Variants in GGNBP2 observed in about 807,000 individuals in gnomAD.
GGNBP2 encodes gametogenetin-binding protein 2.
GGNBP2 carries 10 observed loss-of-function variants against 85.9 expected under a neutral mutation model. The observed-to-expected ratio is 0.12, with a 90% CI of 0.07 to 0.20. The LOEUF (loss-of-function observed/expected upper bound fraction) is 0.20, where lower values mean the gene tolerates loss of function less well. Among genes scored for constraint, GGNBP2 ranks in the 10% least tolerant of loss-of-function variants. The pLI is 1.00. For synonymous variants in GGNBP2, 287 were observed against 285.7 expected, an observed-to-expected ratio of 1.00 and a Z score of -0.05; for missense variants, 595 against 857.8, an observed-to-expected ratio of 0.69 and a Z score of 3.83.
intron 3 of GGNBP2, among the ~76,000 whole-genome samples, chr17:36,556,866 T>A (rs1421369941): frequency 6.6e-6 from 1 of 150,496 alleles, no homozygotes; most frequent in African/African-American, 2.4e-5. Context: ...CAGAGTTGTT[T>A]ATATACCCTA....
chr17:36,559,066 G>A (rs573627623), intron 4 of GGNBP2, among the ~76,000 whole-genome samples: 12 of 151,964 alleles, frequency 7.9e-5, no homozygotes, highest in African/African-American at 2.7e-4. Flanking sequence ...TTGGGAGGTC[G>A]GTGAGGGTGG....
At chr17:36,550,653 C>A (rs1202227137) in intron 2 of GGNBP2, among the ~76,000 whole-genome samples, 1 of 152,138 alleles carries the variant, frequency 6.6e-6, no homozygotes, top group Non-Finnish European at 1.5e-5. Flanking sequence ...AGAACAGATA[C>A]TTAAGAGTGA....
At position 36,563,610 on chromosome 17, in the gene GGNBP2, G is replaced by A. The variant is rs1275501794; in HGVS notation, c.527+2739G>A. 3.1e-5 allele frequency among the ~76,000 whole-genome samples: 4 copies of A among 129,728 alleles called. No individual in the cohort carries two copies. The South Asian group carries it at 9.9e-4, about 32-fold the overall frequency. 85.1% of individuals were successfully genotyped at this position (129,728 alleles called of 152,430 possible). On this transcript the variant is annotated intron_variant, in intron 5 of 13. Transcript: ENST00000613102. ...TCTGGTTTTTTTTTTTTTTTTGAATGTTGGTTTGTATGAATCAGGATCCAA... is the reference window on the plus strand; with the variant it reads ...TCTGGTTTTTTTTTTTTTTTTGAATATTGGTTTGTATGAATCAGGATCCAA...
intron 2 of GGNBP2, among the ~76,000 whole-genome samples, chr17:36,552,043 A>G (rs1041638716): frequency 6.6e-6 from 1 of 152,248 alleles, no homozygotes; most frequent in Non-Finnish European, 1.5e-5. Flanking sequence ...ATCTTTAAAC[A>G]GTATAGATAA....
At chr17:36,553,399 CGTTTGACTTAGCTGTTAATGAG>C (rs1363399935) in intron 2 of GGNBP2, among the ~76,000 whole-genome samples, 1 of 152,068 alleles carries the variant, frequency 6.6e-6, no homozygotes, top group Non-Finnish European at 1.5e-5. Context: ...CTATTGCTTA[CGTTTGACTTAGCTGTTAATGAG>C]GCCTCATTTT....
intron 3 of GGNBP2, among the ~76,000 whole-genome samples, chr17:36,556,182 A>C (rs2074359214): frequency 1.3e-5 from 2 of 152,138 alleles, no homozygotes; most frequent in Admixed American, 1.3e-4. Flanking sequence ...GCTCTCAGTT[A>C]TTTTTCTACC....
intron 3 of GGNBP2, among the ~76,000 whole-genome samples, chr17:36,556,688 G>A (rs1419022317): frequency 1.8e-4 from 27 of 146,888 alleles, no homozygotes; most frequent in Non-Finnish European, 1.9e-4. Flanking sequence ...TGGCGAGAGA[G>A]CAAGATGCCG....
At chr17:36,548,312 G>A (rs1416838194) in intron 2 of GGNBP2, among the ~76,000 whole-genome samples, 2 of 152,040 alleles carry the variant, frequency 1.3e-5, no homozygotes, top group East Asian at 1.9e-4. Flanking sequence ...TAACAAACTT[G>A]TATGTAAAGA....
At chr17:36,564,429 C>T (rs1480577004) in intron 5 of GGNBP2, among the ~76,000 whole-genome samples, 1 of 152,224 alleles carries the variant, frequency 6.6e-6, no homozygotes, top group Admixed American at 6.5e-5. Flanking sequence ...TTACATTCAG[C>T]TCTGTTTTCC....
chr17:36,545,618 G>T lies in GGNBP2; in HGVS notation c.-106-1G>T. 1 of 834,222 alleles carries T rather than the reference G, an allele frequency of 1.2e-6. No homozygotes were observed. The highest frequency in any genetic ancestry group is 2.0e-6 in the Non-Finnish European group (1 of 510,676). 51.7% of individuals were successfully genotyped at this position (834,222 alleles called of 1,614,324 possible). ...ACGCTCGCGGGGTTTGGCTGTTGCA[G>T]GCAGGAGCTGGGAGGAGGCGGCAGC... On this transcript the variant is annotated splice_acceptor_variant, in intron 1 of 13. Transcript: ENST00000613102. LOFTEE classifies it low-confidence loss of function (5UTR_SPLICE).
intron 2 of GGNBP2, among the ~76,000 whole-genome samples, chr17:36,550,998 T>C (rs2142683566): frequency 6.6e-6 from 1 of 152,318 alleles, no homozygotes; most frequent in South Asian, 2.1e-4. Flanking sequence ...GTCCTAAGTG[T>C]TTGAAAGGCG....
chr17:36,569,764 C>T (rs1555606457), intron 6 of GGNBP2, among the ~76,000 whole-genome samples: 3 of 152,156 alleles, frequency 2.0e-5, no homozygotes. Context: ...AACATATATC[C>T]TTCCTCTTTA....
At chr17:36,585,699 AAAAAAATCCTTC>A in intron 10 of GGNBP2, 129 bp from the exon 11 acceptor site, 1 of 747,252 alleles carries the variant, frequency 1.3e-6, no homozygotes, top group Non-Finnish European at 2.1e-6. Context: ...TCTACTTAAA[AAAAAAATCCTTC>A]ATTGGAAATG....
At position 36,586,064 on chromosome 17, in the gene GGNBP2, G is replaced by A. The variant is rs762836886; in HGVS notation, c.1507G>A (p.Val503Ile). 3.1e-6 allele frequency: 5 copies of A among 1,613,528 alleles called. No individual in the cohort carries two copies. The highest frequency in any genetic ancestry group is 3.4e-6 in the Non-Finnish European group (4 of 1,179,494). Residue 503 changes from valine (V) to isoleucine (I), a missense_variant, in exon 12 of 14, where the codon GTT becomes ATT. Physicochemically the swap from Val to Ile is conservative, Grantham distance 29. Coordinates refer to ENST00000613102, the MANE Select transcript of GGNBP2 (RefSeq NM_024835.5). The stretch of plus-strand genomic sequence containing the variant: ...GATTTCTGCAGGTGATGACTCTTGT[G>A]TTCATCACTGTGAAGACAAAGAGGA... ...NHDEHGDDSC[V>I]HHCEDKEDDG... is the part of the protein sequence containing the mutation.
chr17:36,558,694 G>A lies in GGNBP2; in HGVS notation c.428+1358G>A, dbSNP rs147911432. On this transcript the variant is annotated intron_variant, in intron 4 of 13. Coordinates refer to ENST00000613102, the MANE Select transcript of GGNBP2 (RefSeq NM_024835.5). ...TGGTCTTGAACTCCTGACCTCAGGC[G>A]ATCTGCCCGCCTTGGACTCCCAAAG... 3.4e-3 allele frequency among the ~76,000 whole-genome samples: 513 copies of A among 151,564 alleles called. 5 individuals carry two copies. Among genetic ancestry groups the A allele is most frequent in the African/African-American group, 0.012 (495 of 41,404 alleles).
intron 6 of GGNBP2, chr17:36,577,123 A>G (rs1567830831): frequency 2.0e-5 from 3 of 152,214 alleles, no homozygotes; most frequent in Non-Finnish European, 2.9e-5. Context: ...GTTTCACTTA[A>G]CTAATCTTCT....
At chr17:36,587,398 T>C (rs1395090940) in intron 13 of GGNBP2, 153 bp downstream of exon 13, 3 of 819,030 alleles carry the variant, frequency 3.7e-6, no homozygotes, top group African/African-American at 3.4e-5. Context: ...ACTTCATTTC[T>C]GTCCTTCCAC....
At chr17:36,557,867 A>G (rs2074378142) in intron 4 of GGNBP2, among the ~76,000 whole-genome samples, 1 of 152,144 alleles carries the variant, frequency 6.6e-6, no homozygotes, top group Non-Finnish European at 1.5e-5. Context: ...TAATCCCAGC[A>G]CTTTGGGAGG....
At chr17:36,557,030 G>T in intron 3 of GGNBP2, 53 bp from the exon 4 acceptor site, 1 of 1,605,740 alleles carries the variant, frequency 6.2e-7, no homozygotes, top group Non-Finnish European at 8.5e-7. Flanking sequence ...TAGTGAAAGT[G>T]TAATTTTACG....
Sources: allele counts gnomAD v4.1 joint callset (sites outside exome capture counted in the v4.1 genomes callset), GRCh38; gene constraint gnomAD v4.1.1; transcripts MANE v1.5; gene names NCBI Gene and HGNC (gene_info 2026-07-23, HGNC 2026-07-21).